The following PLCL1 variants were observed in gnomAD, a reference collection of about 807,000 sequenced individuals.
PLCL1 encodes the protein inactive phospholipase C-like protein 1.
In PLCL1, 41 loss-of-function variants were observed where a neutral mutation model predicts 84.4. The observed-to-expected ratio is 0.49, with a 90% confidence interval of 0.38 to 0.63. PLCL1 has a LOEUF of 0.63. PLCL1 is among the 30% of genes least tolerant of loss of function. PLCL1 has a pLI of 0.00. For synonymous variants in PLCL1, 490 were observed against 488.3 expected (o/e 1.00, Z -0.05); for missense variants, 1,206 against 1,367.8 (o/e 0.88, Z 1.87).
intron 1 of PLCL1, among the ~76,000 whole-genome samples, chr2:197,843,058 T>A (rs531634106): frequency 1.3e-5 from 2 of 152,328 alleles, no homozygotes; most frequent in Admixed American, 1.3e-4. Context: ...TTTACTTTTC[T>A]CATATTTCTT....
At chr2:197,963,975 A>C (rs1292620496) in intron 1 of PLCL1, among the ~76,000 whole-genome samples, 1 of 152,072 alleles carries the variant, frequency 6.6e-6, no homozygotes, top group Non-Finnish European at 1.5e-5. Flanking sequence ...CCAGAGTACC[A>C]TGCTGTTTTG....
At chr2:197,987,192 A>G (rs1488296774) in intron 1 of PLCL1, among the ~76,000 whole-genome samples, 2 of 152,270 alleles carry the variant, frequency 1.3e-5, no homozygotes, top group East Asian at 3.8e-4. Context: ...CAGAGCTGGC[A>G]AACTGTTGGA....
chr2:198,104,105 G>A (rs185658821), intron 5 of PLCL1, among the ~76,000 whole-genome samples, 169 bp downstream of exon 5: 18 of 151,896 alleles, frequency 1.2e-4, no homozygotes, highest in Middle Eastern at 3.4e-3. Flanking sequence ...TGTGTGTCGC[G>A]GGGGGCTGGA....
chr2:197,964,600 C>T (rs1689690478), intron 1 of PLCL1, among the ~76,000 whole-genome samples: 1 of 152,020 alleles, frequency 6.6e-6, no homozygotes, highest in East Asian at 1.9e-4. Context: ...TCTCTCTTGT[C>T]TGATTGCTCT....
At chr2:198,106,131 G>A (rs1039842562) in intron 5 of PLCL1, among the ~76,000 whole-genome samples, 1 of 151,836 alleles carries the variant, frequency 6.6e-6, no homozygotes, top group Non-Finnish European at 1.5e-5. Flanking sequence ...GTGAGAAAAC[G>A]GAGGCATTGG....
intron 1 of PLCL1, among the ~76,000 whole-genome samples, chr2:197,847,490 C>A (rs1270387419): frequency 6.6e-6 from 1 of 152,038 alleles, no homozygotes; most frequent in Non-Finnish European, 1.5e-5. Flanking sequence ...AGTTTCCTTG[C>A]AATGCAGTTG....
At chr2:197,910,289 A>G (rs546468446) in intron 1 of PLCL1, among the ~76,000 whole-genome samples, 33 of 152,314 alleles carry the variant, frequency 2.2e-4, no homozygotes, top group African/African-American at 7.7e-4. Flanking sequence ...TTTGTTCTGT[A>G]ACCTTTGGTT....
At chr2:198,136,523 T>C (rs1694259669) in intron 5 of PLCL1, among the ~76,000 whole-genome samples, 2 of 151,512 alleles carry the variant, frequency 1.3e-5, no homozygotes, top group Non-Finnish European at 2.9e-5. Flanking sequence ...TCTAGATTGT[T>C]ATTCTAAGAG....
intron 1 of PLCL1, among the ~76,000 whole-genome samples, chr2:197,837,833 C>T (rs890802175): frequency 2.0e-5 from 3 of 152,168 alleles, no homozygotes; most frequent in Non-Finnish European, 4.4e-5. Context: ...AGAAGATATG[C>T]ATCCAGTTAG....
chr2:198,136,419 G>A (rs1438754432), intron 5 of PLCL1, among the ~76,000 whole-genome samples: 2 of 152,106 alleles, frequency 1.3e-5, no homozygotes, highest in Non-Finnish European at 2.9e-5. Flanking sequence ...TTGAGCCCAG[G>A]TACAGTAAGA....
At chr2:197,849,400 A>G (rs962739368) in intron 1 of PLCL1, among the ~76,000 whole-genome samples, 19 of 152,134 alleles carry the variant, frequency 1.2e-4, no homozygotes, top group Admixed American at 9.2e-4. Flanking sequence ...ACAAAAAATT[A>G]GCAAAAGAAA....
intron 5 of PLCL1, among the ~76,000 whole-genome samples, chr2:198,137,587 C>T (rs1199587693): frequency 4.6e-5 from 7 of 152,232 alleles, no homozygotes; most frequent in Admixed American, 1.3e-4. Context: ...AGGATTCTTG[C>T]CTCTCCTCCA....
intron 5 of PLCL1, among the ~76,000 whole-genome samples, chr2:198,119,193 T>G (rs1188416452): frequency 6.6e-6 from 1 of 151,470 alleles, no homozygotes; most frequent in African/African-American, 2.4e-5. Flanking sequence ...TCAAGTCCTC[T>G]TTTCAAATCT....
chr2:198,089,890 C>T (rs1429236674), intron 3 of PLCL1, among the ~76,000 whole-genome samples: 1 of 151,948 alleles, frequency 6.6e-6, no homozygotes, highest in Non-Finnish European at 1.5e-5. Flanking sequence ...GTAAGATATT[C>T]CCCTCACCAT....
At chr2:197,965,234 G>A (rs537819506) in intron 1 of PLCL1, among the ~76,000 whole-genome samples, 13 of 152,094 alleles carry the variant, frequency 8.5e-5, no homozygotes, top group Non-Finnish European at 1.8e-4. Context: ...TTGATCTTTT[G>A]TTTACTTGTT....
At chr2:198,116,620 A>G (rs1693754390) in intron 5 of PLCL1, among the ~76,000 whole-genome samples, 1 of 151,920 alleles carries the variant, frequency 6.6e-6, no homozygotes, top group Non-Finnish European at 1.5e-5. Context: ...TAATAATTTT[A>G]TTAATGCTTT....
At chr2:197,958,596 A>G (rs1689539240) in intron 1 of PLCL1, among the ~76,000 whole-genome samples, 1 of 152,086 alleles carries the variant, frequency 6.6e-6, no homozygotes, top group Non-Finnish European at 1.5e-5. Context: ...CAAGTGGCAC[A>G]CTTCAAGATG....
intron 1 of PLCL1, among the ~76,000 whole-genome samples, chr2:198,066,035 G>A (rs1171154068): frequency 6.6e-6 from 1 of 151,944 alleles, no homozygotes; most frequent in Non-Finnish European, 1.5e-5. Context: ...AAATTTCAAG[G>A]AATATAATTT....
At position 197,805,323 on chromosome 2, in the gene PLCL1, G is replaced by T; in HGVS notation, c.224G>T (p.Arg75Leu). Residue 75 changes from arginine to leucine, a missense_variant, in exon 1 of 6, where the codon CGC becomes CTC. Coordinates refer to ENST00000428675, the MANE Select transcript of PLCL1 (RefSeq NM_006226.4). The surrounding 1 kb of genome is among the most constrained non-coding windows in gnomAD (Gnocchi z 4.0). ...GAGGCAGCACGGGCGACCCCCCGGC[G>T]CAGCAGCATCATCAAGGTAAGCAAA... is the stretch of plus-strand genomic sequence containing the variant. Reference protein sequence around the residue: ...LLEAARATPRRSSIIKDPSNQ... With the variant: ...LLEAARATPRLSSIIKDPSNQ... 7.6e-7 allele frequency: 1 copy of T among 1,315,976 alleles called. No homozygotes were observed. The allele number at this position is 1,315,976 out of a possible 1,614,324, so 81.5% of individuals were successfully genotyped here. A position where few individuals can be genotyped will look rare whatever the true frequency, so the allele number is the denominator to read the frequency against.
Sources: allele counts gnomAD v4.1 joint callset (sites outside exome capture counted in the v4.1 genomes callset), GRCh38; gene constraint gnomAD v4.1.1; non-coding constraint Gnocchi (gnomAD v3.1); transcripts MANE v1.5; gene names NCBI Gene and HGNC (gene_info 2026-07-23, HGNC 2026-07-21).